CNTN5: variants seen among roughly 807,000 people sequenced by gnomAD.
The protein encoded by CNTN5 is contactin-5.
Under a neutral mutation model 129.1 loss-of-function variants are expected in CNTN5, and 77 were observed. That is an observed-to-expected ratio of 0.60 (90% CI 0.50 to 0.72). The LOEUF is 0.72. CNTN5 is among the 30% of genes least tolerant of loss of function. The probability of loss-of-function intolerance (pLI) is 0.00; values close to 1 mark genes in which losing one functional copy is unlikely to be tolerated. For missense variants in CNTN5, 1,478 were observed against 1,328.8 expected (o/e 1.11, Z -1.75); for synonymous variants, 509 against 465.6 (o/e 1.09, Z -1.20).
intron 2 of CNTN5, among the ~76,000 whole-genome samples, chr11:99,387,103 TCTC>T (rs1029829689): frequency 1.3e-5 from 2 of 152,150 alleles, no homozygotes; most frequent in Non-Finnish European, 2.9e-5. Flanking sequence ...CCGCATATTC[TCTC>T]CTCATCTAAG....
chr11:99,310,865 G>A (rs1865083213), intron 1 of CNTN5, among the ~76,000 whole-genome samples: 2 of 152,024 alleles, frequency 1.3e-5, no homozygotes, highest in South Asian at 2.1e-4. Context: ...ATTTTTCTGT[G>A]TCTATTAAGA....
intron 15 of CNTN5, among the ~76,000 whole-genome samples, chr11:100,208,228 G>T (rs960484305): frequency 6.6e-6 from 1 of 152,090 alleles, no homozygotes; most frequent in East Asian, 1.9e-4. Flanking sequence ...AAACCTAGTG[G>T]CTTCAAATAA....
At chr11:99,774,401 C>G (rs1034361122) in intron 3 of CNTN5, among the ~76,000 whole-genome samples, 12 of 151,324 alleles carry the variant, frequency 7.9e-5, no homozygotes, top group African/African-American at 2.9e-4. Flanking sequence ...GATTCCTCCC[C>G]TTTTGTTTAT....
In CNTN5 at chr11:100,193,586, G is replaced by A. The variant is rs763006830; in HGVS notation, c.1807G>A (p.Val603Ile). ...CKAIHDASLDVTFYWTLKGQP... is the reference protein window; with the variant it reads ...CKAIHDASLDITFYWTLKGQP... ...AGCAATTCACGATGCTAGTTTGGAT[G>A]TCACTTTCTACTGGACTCTGAAAGG... The change falls in exon 15 of 25, where the codon GTC (valine) becomes ATC (isoleucine). Residue 603 changes from valine (V) to isoleucine (I), a missense_variant. Val to Ile is a conservative substitution (Grantham distance 29). Transcript: ENST00000524871. 6.2e-7 allele frequency: 1 copy of A among 1,612,072 alleles called. No homozygotes were observed. Among genetic ancestry groups the A allele is most frequent in the East Asian group, 2.2e-5 (1 of 44,758 alleles).
At chr11:100,111,534 A>G (rs776466299) in intron 13 of CNTN5, among the ~76,000 whole-genome samples, 11 of 152,294 alleles carry the variant, frequency 7.2e-5, no homozygotes, top group Non-Finnish European at 1.3e-4. Context: ...TCTATTCTTT[A>G]TCTCTCTACC....
intron 1 of CNTN5, among the ~76,000 whole-genome samples, chr11:99,159,733 A>G (rs1374289998): frequency 1.3e-5 from 2 of 152,244 alleles, no homozygotes; most frequent in South Asian, 2.1e-4. Flanking sequence ...TAAAAATTCA[A>G]TGGCATAAGG....
At chr11:100,265,222 A>G (rs972170438) in intron 17 of CNTN5, among the ~76,000 whole-genome samples, 2 of 152,140 alleles carry the variant, frequency 1.3e-5, no homozygotes, top group Non-Finnish European at 2.9e-5. Flanking sequence ...TCATGGTGCT[A>G]GGGCTATCAC....
chr11:100,104,912 C>A (rs1422063062), intron 13 of CNTN5, among the ~76,000 whole-genome samples: 1 of 152,192 alleles, frequency 6.6e-6, no homozygotes, highest in Non-Finnish European at 1.5e-5. Context: ...AAATTTTGCA[C>A]CTAGAATCTT....
chr11:99,857,723 A>G (rs1347293224), intron 6 of CNTN5, among the ~76,000 whole-genome samples: 1 of 152,110 alleles, frequency 6.6e-6, no homozygotes, highest in Non-Finnish European at 1.5e-5. Context: ...AAAATATAGG[A>G]AAGTTACCTT....
chr11:99,858,464 A>T (rs949418149), intron 6 of CNTN5, among the ~76,000 whole-genome samples: 1 of 152,070 alleles, frequency 6.6e-6, no homozygotes, highest in African/African-American at 2.4e-5. Context: ...GTCTCTGTGC[A>T]CCAATATGCA....
chr11:100,036,441 G>T (rs1193771418), intron 9 of CNTN5, among the ~76,000 whole-genome samples: 2 of 151,678 alleles, frequency 1.3e-5, no homozygotes, highest in African/African-American at 2.4e-5. Flanking sequence ...GGATTGACTT[G>T]GCGATGCGGG....
intron 21 of CNTN5, among the ~76,000 whole-genome samples, chr11:100,332,210 T>C (rs112557726): frequency 4.6e-5 from 7 of 152,218 alleles, no homozygotes; most frequent in African/African-American, 1.7e-4. Flanking sequence ...TGAACACCTT[T>C]ACATGCATAA....
At chr11:100,215,546 G>A (rs1345487388) in intron 15 of CNTN5, among the ~76,000 whole-genome samples, 1 of 152,150 alleles carries the variant, frequency 6.6e-6, no homozygotes, top group East Asian at 1.9e-4. Context: ...ATGCAATAGT[G>A]TCATGTTCAG....
At chr11:99,545,931 T>G (rs1054033275) in intron 2 of CNTN5, among the ~76,000 whole-genome samples, 1 of 152,160 alleles carries the variant, frequency 6.6e-6, no homozygotes, top group Non-Finnish European at 1.5e-5. Context: ...GAAGAACTTC[T>G]CCTAAAATGG....
Position 99,666,973 on chromosome 11 carries a change from G to A in CNTN5, c.55+110704G>A, listed in dbSNP as rs566946588. Reference sequence around the variant, plus strand: ...TATGTTTATATCTCTTTGAATGAGTGCCAAGTAATTCTAATAATAGAATTA... The same window carrying A: ...TATGTTTATATCTCTTTGAATGAGTACCAAGTAATTCTAATAATAGAATTA... On this transcript the variant is annotated intron_variant, in intron 3 of 24. Coordinates refer to ENST00000524871, the MANE Select transcript of CNTN5 (RefSeq NM_014361.4). 1.3e-4 allele frequency among the ~76,000 whole-genome samples: 19 copies of A among 151,942 alleles called. No individual in the cohort carries two copies. In the South Asian group the frequency reaches 4.0e-3, roughly 32 times the overall value.
chr11:99,774,024 G>C (rs907171896), intron 3 of CNTN5, among the ~76,000 whole-genome samples: 20 of 152,126 alleles, frequency 1.3e-4, no homozygotes, highest in Non-Finnish European at 2.4e-4. Flanking sequence ...ACCCCACTCT[G>C]ATTCTTCCTT....
chr11:99,737,385 T>C (rs932224414), intron 3 of CNTN5, among the ~76,000 whole-genome samples: 1 of 152,178 alleles, frequency 6.6e-6, no homozygotes, highest in Admixed American at 6.6e-5. Flanking sequence ...ATAAAAAATA[T>C]ATAACCATGA....
chr11:99,073,015 A>C (rs1591144850), intron 1 of CNTN5, among the ~76,000 whole-genome samples: 1 of 152,126 alleles, frequency 6.6e-6, no homozygotes, highest in East Asian at 1.9e-4. Flanking sequence ...TCTTTTGCTG[A>C]ATGTTATATT....
chr11:99,425,895 C>T (rs766811983), intron 2 of CNTN5, among the ~76,000 whole-genome samples: 13 of 152,220 alleles, frequency 8.5e-5, no homozygotes, highest in South Asian at 2.1e-4. Flanking sequence ...AGCGCTGCTC[C>T]AGAAAGGTCA....
Sources: gnomAD v4.1 joint callset for allele counts (sites outside exome capture counted in the v4.1 genomes callset) on GRCh38, gnomAD v4.1.1 for gene constraint, MANE v1.5 for transcripts, NCBI Gene and HGNC (gene_info 2026-07-23, HGNC 2026-07-21) for gene names.